Variants in CAMK2D observed in about 807,000 individuals in gnomAD.
The protein encoded by CAMK2D is calcium/calmodulin-dependent protein kinase type II subunit delta.
In CAMK2D, 37 loss-of-function variants were observed where a neutral mutation model predicts 84.0. That is an observed-to-expected ratio of 0.44 (90% confidence interval 0.34 to 0.58). CAMK2D has a LOEUF of 0.58. Ranked by LOEUF, CAMK2D falls within the 20% of genes least tolerant of loss-of-function variation. The probability of loss-of-function intolerance (pLI) is 0.02; values close to 1 mark genes in which losing one functional copy is unlikely to be tolerated. For synonymous variants in CAMK2D, 202 were observed against 212.5 expected (o/e 0.95, Z 0.43); for missense variants, 448 against 652.5 (o/e 0.69, Z 3.41).
chr4:113,452,133 TAA>T lies in CAMK2D; in HGVS notation c.*2410_*2411del, dbSNP rs10553216. On this transcript the variant is annotated 3_prime_UTR_variant, in exon 21 of 21. Coordinates refer to ENST00000511664, the MANE Select transcript of CAMK2D (RefSeq NM_001321571.2). ...AAGTGTTACAAGGACAGGTTCGTAT[TAA>T]AAAAAAAAAAAAAAAGCAGCCATGT... 0.38 allele frequency: 53,208 copies of T among 138,634 alleles called. 11,709 individuals carry two copies. Among genetic ancestry groups the T allele is most frequent in the African/African-American group, 0.64 (24,250 of 38,046 alleles). The allele number at this position is 138,634 out of a possible 1,614,324, so 8.6% of individuals were successfully genotyped here.
chr4:113,761,534 CGCGGAGCCCAGA>C lies in CAMK2D; in HGVS notation c.-478_-467del. On this transcript the variant is annotated 5_prime_UTR_variant, in exon 1 of 21. Coordinates refer to ENST00000511664, the MANE Select transcript of CAMK2D (RefSeq NM_001321571.2). ...AGGTGGAGTGCAGCGGGGCCGAGGCCGCGGAGCCCAGAGCGGACAGCCTGAGCCCAGCGGCCG... is the reference window on the plus strand; with the variant it reads ...AGGTGGAGTGCAGCGGGGCCGAGGCCGCGGACAGCCTGAGCCCAGCGGCCG... The C allele has an allele frequency of 3.0e-6, 3 of 1,001,464 alleles. No individual in the cohort carries two copies. The highest frequency in any genetic ancestry group is 3.6e-6 in the Non-Finnish European group (3 of 839,754). The allele number at this position is 1,001,464 out of a possible 1,614,324, so 62.0% of individuals were successfully genotyped here.
intron 3 of CAMK2D, among the ~76,000 whole-genome samples, chr4:113,647,800 T>C (rs1399477799): frequency 6.6e-6 from 1 of 152,178 alleles, no homozygotes; most frequent in Non-Finnish European, 1.5e-5. Context: ...TCTTAGAAAA[T>C]GACCAGAAGA....
At chr4:113,492,809 T>C (rs1353049906) in intron 16 of CAMK2D, among the ~76,000 whole-genome samples, 1 of 143,158 alleles carries the variant, frequency 7.0e-6, no homozygotes, top group Non-Finnish European at 1.5e-5. Context: ...GGACTTGCTT[T>C]ATGAATCTGG....
At chr4:113,490,055 T>C (rs2154137289) in intron 16 of CAMK2D, among the ~76,000 whole-genome samples, 1 of 152,078 alleles carries the variant, frequency 6.6e-6, no homozygotes, top group South Asian at 2.1e-4. Flanking sequence ...CTTTGTCAGA[T>C]GAGAAGGTTG....
At chr4:113,731,482 C>A (rs1033043272) in intron 2 of CAMK2D, among the ~76,000 whole-genome samples, 2 of 151,742 alleles carry the variant, frequency 1.3e-5, no homozygotes, top group Non-Finnish European at 2.9e-5. Context: ...TTCATAAGCA[C>A]TATATAACAT....
intron 4 of CAMK2D, among the ~76,000 whole-genome samples, chr4:113,604,618 T>C (rs938120689): frequency 8.5e-5 from 13 of 152,248 alleles, no homozygotes; most frequent in Non-Finnish European, 1.6e-4. Flanking sequence ...CAAATTACTA[T>C]GGTTTGTATG....
chr4:113,669,518 T>C (rs532272968), intron 2 of CAMK2D, among the ~76,000 whole-genome samples: 13 of 152,238 alleles, frequency 8.5e-5, no homozygotes, highest in African/African-American at 2.9e-4. Context: ...GGACTGTAGA[T>C]TTCCTTTGGA....
chr4:113,674,359 A>T (rs1301677589), intron 2 of CAMK2D, among the ~76,000 whole-genome samples: 1 of 152,202 alleles, frequency 6.6e-6, no homozygotes, highest in Non-Finnish European at 1.5e-5. Flanking sequence ...ATTGAGAAGG[A>T]ACATTTACCT....
At chr4:113,616,676 T>C (rs2099022635) in intron 3 of CAMK2D, among the ~76,000 whole-genome samples, 1 of 152,198 alleles carries the variant, frequency 6.6e-6, no homozygotes, top group South Asian at 2.1e-4. Flanking sequence ...CAATCAGTTC[T>C]TTTGCTTGAA....
At chr4:113,741,163 T>C (rs1437824826) in intron 2 of CAMK2D, among the ~76,000 whole-genome samples, 1 of 152,124 alleles carries the variant, frequency 6.6e-6, no homozygotes, top group Non-Finnish European at 1.5e-5. Flanking sequence ...GTAGTGATAC[T>C]GGCAATTGGA....
intron 4 of CAMK2D, among the ~76,000 whole-genome samples, chr4:113,560,552 G>A (rs2098693427): frequency 6.6e-6 from 1 of 152,036 alleles, no homozygotes; most frequent in Non-Finnish European, 1.5e-5. Context: ...ATTTACAGAG[G>A]AAATATGTAT....
At chr4:113,544,374 T>C (rs1268009480) in intron 6 of CAMK2D, among the ~76,000 whole-genome samples, 2 of 152,222 alleles carry the variant, frequency 1.3e-5, no homozygotes, top group African/African-American at 2.4e-5. Context: ...TATTTTCCTA[T>C]CGTTTTGACT....
Position 113,702,535 on chromosome 4 carries a change from T to C in CAMK2D, c.161-40763A>G, listed in dbSNP as rs567920377. On this transcript the variant is annotated intron_variant, in intron 2 of 20. Coordinates refer to ENST00000511664, the MANE Select transcript of CAMK2D (RefSeq NM_001321571.2). Reference sequence around the variant, plus strand: ...AACTTTAAATCATCTGGTAGCCACATTTCAAAAAGCAAAAAAATATATAAT... The same window carrying C: ...AACTTTAAATCATCTGGTAGCCACACTTCAAAAAGCAAAAAAATATATAAT... Among the ~76,000 whole-genome samples, 8 of 152,254 alleles carry C rather than the reference T, an allele frequency of 5.3e-5. 1 individual carries two copies. The South Asian group carries it at 1.2e-3, about 24-fold the overall frequency.
In CAMK2D at chr4:113,761,127, C is replaced by CG; in HGVS notation, c.-60dup. 1 of 1,610,182 alleles carries CG rather than the reference C, an allele frequency of 6.2e-7. No homozygotes were observed. The highest frequency in any genetic ancestry group is 8.5e-7 in the Non-Finnish European group (1 of 1,179,576). On this transcript the variant is annotated 5_prime_UTR_variant, in exon 1 of 21. Transcript: ENST00000511664. ...GACGGACCAGAAGCGAGCAGACGCG[C>CG]GGCTAACCCCGGGACTGGCCCCGCG... is the stretch of plus-strand genomic sequence containing the variant.
At chr4:113,585,561 G>C (rs1372980473) in intron 4 of CAMK2D, among the ~76,000 whole-genome samples, 3 of 152,004 alleles carry the variant, frequency 2.0e-5, no homozygotes, top group Non-Finnish European at 4.4e-5. Context: ...AATCAGAAAG[G>C]CATATGGTCA....
intron 2 of CAMK2D, among the ~76,000 whole-genome samples, chr4:113,681,373 C>T (rs1027982136): frequency 1.3e-5 from 2 of 152,020 alleles, no homozygotes; most frequent in Non-Finnish European, 2.9e-5. Context: ...AAGGGCTTTT[C>T]CCCCTTTGCT....
intron 3 of CAMK2D, 112 bp downstream of exon 3, chr4:113,661,601 C>A: frequency 2.0e-6 from 1 of 506,100 alleles, no homozygotes; most frequent in Non-Finnish European, 3.5e-6. Context: ...AGTTAGGAAC[C>A]TATTTTTTAA....
At chr4:113,522,319 T>G (rs1030723768) in intron 8 of CAMK2D, among the ~76,000 whole-genome samples, 1 of 152,204 alleles carries the variant, frequency 6.6e-6, no homozygotes, top group East Asian at 1.9e-4. Context: ...TATAAACTTA[T>G]AAGCAAAATG....
intron 16 of CAMK2D, among the ~76,000 whole-genome samples, chr4:113,497,787 T>A (rs2097959832): frequency 6.6e-6 from 1 of 152,190 alleles, no homozygotes; most frequent in Non-Finnish European, 1.5e-5. Context: ...TATACCACCA[T>A]AAAACAATGT....
Sources: allele counts gnomAD v4.1 joint callset (sites outside exome capture counted in the v4.1 genomes callset), GRCh38; gene constraint gnomAD v4.1.1; transcripts MANE v1.5; gene names NCBI Gene and HGNC (gene_info 2026-07-23, HGNC 2026-07-21).